EIF4E3: variants seen among roughly 807,000 people sequenced by gnomAD.
EIF4E3 encodes the protein eukaryotic translation initiation factor 4E type 3.
In EIF4E3, 26 loss-of-function variants were observed where a neutral mutation model predicts 31.7. The ratio of observed to expected loss-of-function variants is 0.82; its 90% CI spans 0.60 to 1.14. The LOEUF (loss-of-function observed/expected upper bound fraction) is 1.14, where lower values mean the gene tolerates loss of function less well. Ranked by LOEUF, EIF4E3 falls within the 50% of genes most tolerant of loss-of-function variation. The probability of loss-of-function intolerance (pLI) is 0.00; values close to 1 mark genes in which losing one functional copy is unlikely to be tolerated. For synonymous variants in EIF4E3, 128 were observed against 107.7 expected (o/e 1.19, Z -1.17); for missense variants, 304 against 270.9 (o/e 1.12, Z -0.86).
At chr3:71,725,798 CAG>C (rs2049630699), upstream of EIF4E3, among the ~76,000 whole-genome samples, 1 of 151,988 alleles carries the variant, frequency 6.6e-6, no homozygotes, top group Non-Finnish European at 1.5e-5. The surrounding 1 kb of genome is among the most constrained non-coding windows in gnomAD (Gnocchi z 6.1). Flanking sequence ...ATGGATGGGA[CAG>C]GGGATGGAGC....
intron 1 of EIF4E3, among the ~76,000 whole-genome samples, chr3:71,719,535 G>GAAA (rs1007923173): frequency 7.9e-6 from 1 of 126,342 alleles, no homozygotes; most frequent in Non-Finnish European, 1.7e-5. Context: ...CCTTTCTGAT[G>GAAA]AAAAAAAAAA....
chr3:71,717,127 G>A (rs772366495), intron 1 of EIF4E3, among the ~76,000 whole-genome samples: 4 of 152,092 alleles, frequency 2.6e-5, no homozygotes, highest in Non-Finnish European at 5.9e-5. Context: ...CGGTTTCTTC[G>A]AACCCTGCTG....
At chr3:71,687,162 G>T (rs1190844909) in intron 6 of EIF4E3, among the ~76,000 whole-genome samples, 2 of 152,062 alleles carry the variant, frequency 1.3e-5, no homozygotes, top group Non-Finnish European at 2.9e-5. Flanking sequence ...CACCACGCCT[G>T]GCTAGCTTTT....
intron 1 of EIF4E3, among the ~76,000 whole-genome samples, chr3:71,724,262 C>T (rs2049593884): frequency 6.6e-6 from 1 of 152,156 alleles, no homozygotes; most frequent in South Asian, 2.1e-4. Flanking sequence ...TTCTGGTGTT[C>T]TTACTAGGGA....
Position 71,684,507 on chromosome 3 carries a change from A to C in EIF4E3, c.*175T>G. ...GTAATGTGACGGTAGAAACCCACAC[A>C]ATCTCCCCCCACCCCACCTGCCACT... On this transcript the variant is annotated 3_prime_UTR_variant, in exon 7 of 7. Coordinates refer to ENST00000425534, the MANE Select transcript of EIF4E3 (RefSeq NM_001134651.2). 4 of 469,004 alleles carry C rather than the reference A, an allele frequency of 8.5e-6. No homozygotes were observed. Among genetic ancestry groups the C allele is most frequent in the Non-Finnish European group, 1.1e-5 (3 of 275,522 alleles). The allele number at this position is 469,004 out of a possible 1,614,324, so 29.1% of individuals were successfully genotyped here.
chr3:71,736,141 G>A (rs1172125571), intron 1 of EIF4E3, among the ~76,000 whole-genome samples: 3 of 152,164 alleles, frequency 2.0e-5, no homozygotes, highest in Non-Finnish European at 4.4e-5. Flanking sequence ...ATCCCGAAAC[G>A]TTGGTAACAC....
At chr3:71,690,272 A>C in intron 5 of EIF4E3, 107 bp from the exon 6 acceptor site, 1 of 1,261,860 alleles carries the variant, frequency 7.9e-7, no homozygotes, top group Non-Finnish European at 1.1e-6. Context: ...AAGATGGAAA[A>C]AAGAAGGTGG....
chr3:71,714,303 A>G (rs1404182748), intron 1 of EIF4E3, among the ~76,000 whole-genome samples: 1 of 105,030 alleles, frequency 9.5e-6, no homozygotes, highest in Non-Finnish European at 1.9e-5. Context: ...GGAAGGAAGG[A>G]ACGAAAGAAA....
At position 71,682,204 on chromosome 3, in the gene EIF4E3, G is replaced by A. The variant is rs534615506; in HGVS notation, c.*2478C>T. 1 of 152,282 alleles carries A rather than the reference G, an allele frequency of 6.6e-6. No homozygotes were observed. The highest frequency in any genetic ancestry group is 6.5e-5 in the Admixed American group (1 of 15,304). 9.4% of individuals were successfully genotyped at this position (152,282 alleles called of 1,614,324 possible). On this transcript the variant is annotated 3_prime_UTR_variant, in exon 7 of 7. Coordinates refer to ENST00000425534, the MANE Select transcript of EIF4E3 (RefSeq NM_001134651.2). The stretch of plus-strand genomic sequence containing the variant: ...ATATTAGTTTCAATCAGATTTCCTG[G>A]CATATATCACAGACCCTAAGGAATT...
chr3:71,735,670 G>A (rs2049755360), intron 1 of EIF4E3, among the ~76,000 whole-genome samples: 1 of 152,136 alleles, frequency 6.6e-6, no homozygotes, highest in African/African-American at 2.4e-5. Flanking sequence ...AATTTTGTGG[G>A]GAGGTTATTA....
intron 2 of EIF4E3, among the ~76,000 whole-genome samples, chr3:71,705,040 T>C (rs946304359): frequency 1.3e-4 from 20 of 152,244 alleles, no homozygotes; most frequent in African/African-American, 3.9e-4. Context: ...AACTATGAAG[T>C]GGACCTGGCT....
the EIF4E3 span, among the ~76,000 whole-genome samples, chr3:71,659,693 A>G: frequency 2.6e-5 from 4 of 152,248 alleles, no homozygotes; most frequent in African/African-American, 9.6e-5. Context: ...AGGTTCACCA[A>G]TTAGAAATGT....
At chr3:71,703,585 T>C (rs992528787) in intron 2 of EIF4E3, among the ~76,000 whole-genome samples, 1 of 152,162 alleles carries the variant, frequency 6.6e-6, no homozygotes, top group East Asian at 1.9e-4. Flanking sequence ...ATAGCACTGA[T>C]TGGAGCAACT....
At chr3:71,662,010 C>T in the EIF4E3 span, among the ~76,000 whole-genome samples, 8 of 152,112 alleles carry the variant, frequency 5.3e-5, no homozygotes, top group Admixed American at 1.3e-4. Flanking sequence ...ATTAAGCAAG[C>T]GAATACATGT....
intron 1 of EIF4E3, among the ~76,000 whole-genome samples, chr3:71,751,819 A>G (rs1331848197): frequency 6.6e-6 from 1 of 152,162 alleles, no homozygotes; most frequent in African/African-American, 2.4e-5. Context: ...GCCTACTGTG[A>G]TCATGAGGGA....
At chr3:71,662,046 G>A in the EIF4E3 span, among the ~76,000 whole-genome samples, 2 of 152,276 alleles carry the variant, frequency 1.3e-5, no homozygotes, top group East Asian at 1.9e-4. Flanking sequence ...CTGGCACAGG[G>A]TCCATGCTTG....
At chr3:71,703,475 T>G (rs1442231503) in intron 2 of EIF4E3, among the ~76,000 whole-genome samples, 1 of 152,188 alleles carries the variant, frequency 6.6e-6, no homozygotes, top group African/African-American at 2.4e-5. Flanking sequence ...GAAAATGTAA[T>G]GATGAAATGC....
chr3:71,712,053 A>C (rs2049388066), intron 1 of EIF4E3, among the ~76,000 whole-genome samples: 1 of 152,176 alleles, frequency 6.6e-6, no homozygotes, highest in African/African-American at 2.4e-5. Flanking sequence ...ACAATCACGG[A>C]CTAGTTTGGG....
At chr3:71,689,371 G>A (rs149819027) in intron 6 of EIF4E3, among the ~76,000 whole-genome samples, 26 of 152,274 alleles carry the variant, frequency 1.7e-4, no homozygotes, top group African/African-American at 6.0e-4. Flanking sequence ...ATAGCACTAA[G>A]ATGTTTTCAT....
Sources: gnomAD v4.1 joint callset for allele counts (sites outside exome capture counted in the v4.1 genomes callset) on GRCh38, gnomAD v4.1.1 for gene constraint, Gnocchi (gnomAD v3.1) non-coding constraint, MANE v1.5 for transcripts, NCBI Gene and HGNC (gene_info 2026-07-23, HGNC 2026-07-21) for gene names.